The following CDH2 variants were observed in gnomAD, a reference collection of about 807,000 sequenced individuals.
The protein encoded by CDH2 is cadherin-2.
A neutral mutation model predicts 92.0 loss-of-function variants in CDH2; 17 were observed. The ratio of observed to expected loss-of-function variants is 0.18; its 90% confidence interval spans 0.13 to 0.28. The LOEUF (loss-of-function observed/expected upper bound fraction) is 0.28, where lower values mean the gene tolerates loss of function less well. CDH2 is among the 10% of genes least tolerant of loss of function. The pLI, the probability that CDH2 is intolerant of heterozygous loss-of-function variation, is 1.00. For synonymous variants in CDH2, 419 were observed against 415.9 expected, an observed-to-expected ratio of 1.01 and a Z score of -0.09; for missense variants, 862 against 1,133.1, an observed-to-expected ratio of 0.76 and a Z score of 3.44.
chr18:28,101,433 T>C (rs1239773140), intron 2 of CDH2, among the ~76,000 whole-genome samples: 2 of 152,152 alleles, frequency 1.3e-5, no homozygotes. Flanking sequence ...TGAATTCTCC[T>C]GCCTTTCAAA....
At chr18:28,103,153 T>TAAACTCCTTTATATAAAGTATATATATAA (rs2015255597) in intron 2 of CDH2, among the ~76,000 whole-genome samples, 1 of 121,794 alleles carries the variant, frequency 8.2e-6, no homozygotes, top group African/African-American at 3.2e-5. Flanking sequence ...TATATATATA[T>TAAACTCCTTTATATAAAGTATATATATAA]AAACTCCTTT....
chr18:28,028,363 T>C (rs1287253229), intron 2 of CDH2, among the ~76,000 whole-genome samples: 2 of 152,238 alleles, frequency 1.3e-5, no homozygotes, highest in Admixed American at 6.6e-5. Flanking sequence ...GAACATGATG[T>C]GCATTAAGCA....
At chr18:28,114,695 G>A (rs897945721) in intron 2 of CDH2, among the ~76,000 whole-genome samples, 2 of 151,868 alleles carry the variant, frequency 1.3e-5, no homozygotes, top group East Asian at 1.9e-4. Context: ...GTCTGGACCC[G>A]GTGTCAGTAA....
chr18:28,160,565 A>ATGGCCT (rs1447802958), intron 1 of CDH2, among the ~76,000 whole-genome samples: 1 of 152,204 alleles, frequency 6.6e-6, no homozygotes, highest in East Asian at 1.9e-4. Context: ...AGTGGTCTGG[A>ATGGCCT]TGGCCTTTAC....
chr18:28,132,408 T>C (rs1285502542), intron 2 of CDH2, among the ~76,000 whole-genome samples: 2 of 152,170 alleles, frequency 1.3e-5, no homozygotes. Context: ...AAGTGGATGA[T>C]TGACAAGGAT....
At chr18:28,130,200 G>A (rs2015743297) in intron 2 of CDH2, among the ~76,000 whole-genome samples, 1 of 152,162 alleles carries the variant, frequency 6.6e-6, no homozygotes, top group Non-Finnish European at 1.5e-5. Context: ...AGGACTAACT[G>A]AAGGACTGTG....
intron 2 of CDH2, among the ~76,000 whole-genome samples, chr18:28,087,490 C>T (rs1281488805): frequency 6.6e-6 from 1 of 152,128 alleles, no homozygotes; most frequent in Non-Finnish European, 1.5e-5. Flanking sequence ...GGCTGAACTC[C>T]ACTGGCATCG....
chr18:27,993,708 A>T, intron 7 of CDH2, 71 bp from the exon 8 acceptor site: 1 of 1,185,920 alleles, frequency 8.4e-7, no homozygotes, highest in Non-Finnish European at 1.2e-6. Flanking sequence ...TGTTCTGTAA[A>T]CGGCTCTTTA....
intron 2 of CDH2, among the ~76,000 whole-genome samples, chr18:28,047,319 C>T (rs2014096156): frequency 6.6e-6 from 1 of 152,140 alleles, no homozygotes; most frequent in African/African-American, 2.4e-5. Flanking sequence ...GAAAAAATAT[C>T]AAAATACTCT....
intron 15 of CDH2, among the ~76,000 whole-genome samples, chr18:27,960,786 T>C (rs1041844256): frequency 1.3e-5 from 2 of 152,102 alleles, no homozygotes; most frequent in South Asian, 2.1e-4. Flanking sequence ...TAGGAAGAGA[T>C]TGTATTCTGG....
chr18:27,943,286 G>C (rs1909188271), intron 6 of CDH2, among the ~76,000 whole-genome samples: 1 of 152,188 alleles, frequency 6.6e-6, no homozygotes, highest in South Asian at 2.1e-4. Context: ...TCTGGAGCTA[G>C]ACAGTTGGGC....
At chr18:28,052,099 C>T (rs2014203437) in intron 2 of CDH2, among the ~76,000 whole-genome samples, 1 of 152,086 alleles carries the variant, frequency 6.6e-6, no homozygotes, top group Non-Finnish European at 1.5e-5. Flanking sequence ...TATGAGATAT[C>T]CGATATATGA....
intron 2 of CDH2, among the ~76,000 whole-genome samples, chr18:28,128,819 C>T (rs1598494465): frequency 6.6e-6 from 1 of 152,156 alleles, no homozygotes; most frequent in Admixed American, 6.5e-5. Flanking sequence ...AATGAGGCTA[C>T]CTTCCACAGG....
At chr18:27,956,686 C>CA (rs2011253718) in intron 15 of CDH2, among the ~76,000 whole-genome samples, 3 of 152,150 alleles carry the variant, frequency 2.0e-5, no homozygotes, top group Non-Finnish European at 4.4e-5. Context: ...ATCACTCCCG[C>CA]AAGTAAGACC....
intron 1 of CDH2, among the ~76,000 whole-genome samples, chr18:28,157,522 TA>T (rs1256360148): frequency 6.6e-6 from 1 of 152,180 alleles, no homozygotes; most frequent in African/African-American, 2.4e-5. Flanking sequence ...TTAGTCAATT[TA>T]GGGACACTAT....
rs748735492 is a variant in CDH2 at position 27,990,119 on chromosome 18, G to A, written c.1576C>T (p.Arg526Ter). ...TACCTAATATTTTGCTGCATATATC[G>A]ATCTGGGTCCTGAGCAGTGAATGTT... ...LTTFTAQDPD[R>*]YMQQNIRYTK... The change falls in exon 10 of 16, where the codon CGA becomes TGA. Residue 526 changes from arginine (R) to a stop codon, truncating the protein, a stop_gained. Coordinates refer to ENST00000269141, the MANE Select transcript of CDH2 (RefSeq NM_001792.5). LOFTEE classifies it high-confidence loss of function. 1.2e-6 allele frequency: 2 copies of A among 1,613,734 alleles called. No homozygotes were observed. Among genetic ancestry groups the A allele is most frequent in the South Asian group, 1.1e-5 (1 of 91,072 alleles).
chr18:27,958,340 T>A (rs1267359271), intron 15 of CDH2, among the ~76,000 whole-genome samples: 1 of 152,054 alleles, frequency 6.6e-6, no homozygotes, highest in African/African-American at 2.4e-5. Flanking sequence ...TCCATAAGTT[T>A]TAAACAATAT....
chr18:27,981,140 C>T (rs1413862256), intron 14 of CDH2, among the ~76,000 whole-genome samples: 1 of 152,160 alleles, frequency 6.6e-6, no homozygotes, highest in Non-Finnish European at 1.5e-5. Context: ...CATCCAGTTA[C>T]TACCGGTGGT....
chr18:27,979,589 G>A (rs1235292562), intron 14 of CDH2, among the ~76,000 whole-genome samples: 5 of 152,282 alleles, frequency 3.3e-5, no homozygotes, highest in African/African-American at 1.2e-4. Context: ...GAAGTAGGAT[G>A]GATACATAAA....
Sources: allele counts gnomAD v4.1 joint callset (sites outside exome capture counted in the v4.1 genomes callset), GRCh38; gene constraint gnomAD v4.1.1; transcripts MANE v1.5; gene names NCBI Gene and HGNC (gene_info 2026-07-23, HGNC 2026-07-21).